The following SF3B3 variants were observed in gnomAD, a reference collection of about 807,000 sequenced individuals.
The protein encoded by SF3B3 is splicing factor 3b subunit 3.
Under a neutral mutation model 139.2 loss-of-function variants are expected in SF3B3, and 33 were observed. The ratio of observed to expected loss-of-function variants is 0.24; its 90% CI spans 0.18 to 0.32. The LOEUF (loss-of-function observed/expected upper bound fraction) is 0.32. Ranked by LOEUF, SF3B3 falls within the 10% of genes least tolerant of loss-of-function variation. The probability of loss-of-function intolerance (pLI) is 1.00; values close to 1 mark genes in which losing one functional copy is unlikely to be tolerated. For synonymous variants in SF3B3, 596 were observed against 563.6 expected, an observed-to-expected ratio of 1.06 and a Z score of -0.81; for missense variants, 818 against 1,509.4, an observed-to-expected ratio of 0.54 and a Z score of 7.59.
chr16:70,538,008 C>T, intron 6 of SF3B3: 1 of 554,450 alleles, frequency 1.8e-6, no homozygotes, highest in South Asian at 1.4e-5. Flanking sequence ...TGTTTCACAG[C>T]CTGAAATGAT....
chr16:70,565,260 G>T lies in SF3B3; in HGVS notation c.2659G>T (p.Ala887Ser). The T allele has an allele frequency of 6.2e-7, 1 of 1,614,208 alleles. No individual in the cohort carries two copies. ...LDLVQLEQNE[A>S]AFSVAVCRFS... ...CCTTGTCCAGCTGGAACAGAATGAG[G>T]CAGCTTTTAGGTAAGCAGCCCAGGA... Residue 887 changes from alanine (A) to serine (S), a missense_variant, in exon 19 of 26, where the codon GCA becomes TCA. Physicochemically the swap from Ala to Ser is moderately conservative, Grantham distance 99. Around this residue, in one of 14 missense-constraint regions of SF3B3, gnomAD observed 145 missense variants for 153.6 expected, o/e 0.94. Transcript: ENST00000302516.
At chr16:70,527,868 T>C (rs1467298319) in intron 2 of SF3B3, among the ~76,000 whole-genome samples, 8 of 151,872 alleles carry the variant, frequency 5.3e-5, no homozygotes. Flanking sequence ...CTCCGCCTCC[T>C]GGGTTCAAGC....
chr16:70,550,850 TGAGG>T (rs2050318313), intron 11 of SF3B3, among the ~76,000 whole-genome samples: 3 of 152,270 alleles, frequency 2.0e-5, no homozygotes, highest in Non-Finnish European at 4.4e-5. Flanking sequence ...TCAGATGGTC[TGAGG>T]CAGGAGTCTG....
chr16:70,575,316 A>T lies in SF3B3; in HGVS notation c.*3503A>T, dbSNP rs2151797764. ...TGGGTTCAAGCAATTCTCCTGCCTC[A>T]GCCTCCCAAGTAGCTGGGACTACAG... On this transcript the variant is annotated 3_prime_UTR_variant, in exon 26 of 26. Transcript: ENST00000302516. 1 of 147,506 alleles carries T rather than the reference A, an allele frequency of 6.8e-6. No homozygotes were observed. Among genetic ancestry groups the T allele is most frequent in the East Asian group, 2.0e-4 (1 of 4,976 alleles). 9.1% of individuals were successfully genotyped at this position (147,506 alleles called of 1,614,324 possible). A position where few individuals can be genotyped will look rare whatever the true frequency, so the allele number is the denominator to read the frequency against.
At chr16:70,553,118 C>T (rs778704619) in intron 11 of SF3B3, among the ~76,000 whole-genome samples, 1 of 152,152 alleles carries the variant, frequency 6.6e-6, no homozygotes, top group Non-Finnish European at 1.5e-5. Flanking sequence ...GATGGGGTTT[C>T]ACCCTGTTGG....
At chr16:70,534,391 A>G (rs1365249932) in intron 5 of SF3B3, among the ~76,000 whole-genome samples, 1 of 152,224 alleles carries the variant, frequency 6.6e-6, no homozygotes, top group Non-Finnish European at 1.5e-5. Context: ...TGACAACCTT[A>G]GAAAGATTAA....
intron 9 of SF3B3, among the ~76,000 whole-genome samples, chr16:70,543,875 CAA>C (rs1045726255): frequency 2.7e-5 from 4 of 149,982 alleles, no homozygotes; most frequent in East Asian, 1.9e-4. Context: ...TTTTTTGAGA[CAA>C]GAGTCTCACT....
chr16:70,568,983 T>C (rs2050503179), intron 22 of SF3B3, 60 bp from the exon 23 acceptor site: 1 of 1,237,934 alleles, frequency 8.1e-7, no homozygotes, highest in African/African-American at 1.5e-5. Context: ...ACCTGTTGCT[T>C]GGTGACTCAG....
At chr16:70,537,085 A>G (rs2151779659) in intron 6 of SF3B3, among the ~76,000 whole-genome samples, 1 of 152,244 alleles carries the variant, frequency 6.6e-6, no homozygotes, top group Middle Eastern at 3.4e-3. Context: ...TTGGGATTAC[A>G]GGCGTGAGCC....
chr16:70,535,424 A>G lies in SF3B3; in HGVS notation c.825+4A>G, dbSNP rs2050157099. ...CTGTCCAATTCCCAGGAGGCGGGTA[A>G]GATCTTTGATATAAGAAGAGAGAGA... On this transcript the variant is annotated splice_donor_region_variant and intron_variant, in intron 6 of 25. Transcript: ENST00000302516. 2.0e-6 allele frequency: 3 copies of G among 1,520,218 alleles called. No homozygotes were observed. The highest frequency in any genetic ancestry group is 4.5e-5 in the East Asian group (2 of 44,178). 94.2% of individuals were successfully genotyped at this position (1,520,218 alleles called of 1,614,324 possible).
intron 24 of SF3B3, 23 bp downstream of exon 24, chr16:70,570,172 G>T: frequency 6.2e-7 from 1 of 1,613,184 alleles, no homozygotes; most frequent in Non-Finnish European, 8.5e-7. Context: ...ACATTACTCT[G>T]GCCTTGACTT....
chr16:70,535,518 TAAA>T, intron 6 of SF3B3, 98 bp downstream of exon 6: 1 of 589,956 alleles, frequency 1.7e-6, no homozygotes, highest in Non-Finnish European at 2.8e-6. Context: ...TTTTGTAAAT[TAAA>T]AAAAAAATTC....
chr16:70,557,992 A>T (rs2050394044), intron 15 of SF3B3, among the ~76,000 whole-genome samples: 2 of 152,206 alleles, frequency 1.3e-5, no homozygotes. Flanking sequence ...GGACCTCAGC[A>T]TAGCAGTCTA....
intron 18 of SF3B3, among the ~76,000 whole-genome samples, chr16:70,564,677 A>C (rs1394362070): frequency 6.6e-6 from 1 of 152,258 alleles, no homozygotes; most frequent in African/African-American, 2.4e-5. Context: ...CCAAATAGCT[A>C]CAACCACGTA....
At position 70,571,912 on chromosome 16, in the gene SF3B3, T is replaced by G. The variant is rs992751486; in HGVS notation, c.*99T>G. 2.9e-5 allele frequency: 40 copies of G among 1,400,548 alleles called. No homozygotes were observed. Among genetic ancestry groups the G allele is most frequent in the Non-Finnish European group, 3.6e-5 (37 of 1,021,960 alleles). 86.8% of individuals were successfully genotyped at this position (1,400,548 alleles called of 1,614,324 possible). Reference sequence around the variant, plus strand: ...TTCTGCCATGTGGCAGGAGGGTGACTGGATAATTAAGACTGCATTATGAAA... The same window carrying G: ...TTCTGCCATGTGGCAGGAGGGTGACGGGATAATTAAGACTGCATTATGAAA... On this transcript the variant is annotated 3_prime_UTR_variant, in exon 26 of 26. Coordinates refer to ENST00000302516, the MANE Select transcript of SF3B3 (RefSeq NM_012426.5).
chr16:70,554,271 C>T, intron 11 of SF3B3, 175 bp from the exon 12 acceptor site: 1 of 570,434 alleles, frequency 1.8e-6, no homozygotes, highest in Non-Finnish European at 3.1e-6. Context: ...CTTCTGACCC[C>T]TAGTTTTCTT....
At chr16:70,532,396 A>G (rs2151776796) in intron 4 of SF3B3, 83 bp from the exon 5 acceptor site, 4 of 1,108,004 alleles carry the variant, frequency 3.6e-6, no homozygotes, top group Non-Finnish European at 3.8e-6. Flanking sequence ...CTGTTTCCTC[A>G]TTTGTAAATT....
chr16:70,561,919 A>G (rs993741704), intron 17 of SF3B3, 135 bp downstream of exon 17: 2 of 708,728 alleles, frequency 2.8e-6, no homozygotes, highest in East Asian at 2.6e-5. Flanking sequence ...GTGTGTTGCA[A>G]TTGAAACCTT....
intron 17 of SF3B3, 112 bp downstream of exon 17, chr16:70,561,896 C>T (rs754303559): frequency 5.8e-6 from 5 of 855,396 alleles, no homozygotes; most frequent in Non-Finnish European, 9.2e-6. Context: ...GAGCCGACTT[C>T]ACCATGAAGC....
Sources: gnomAD v4.1 joint callset for allele counts (sites outside exome capture counted in the v4.1 genomes callset) on GRCh38, gnomAD v4.1.1 for gene constraint, gnomAD v4.1.1 regional missense constraint, MANE v1.5 for transcripts, NCBI Gene and HGNC (gene_info 2026-07-23, HGNC 2026-07-21) for gene names.